ZNF385D: variants seen among roughly 807,000 people sequenced by gnomAD.
The protein encoded by ZNF385D is zinc finger protein 659.
A neutral mutation model predicts 35.8 loss-of-function variants in ZNF385D; 15 were observed. The ratio of observed to expected loss-of-function variants is 0.42; its 90% confidence interval spans 0.28 to 0.64. The LOEUF (loss-of-function observed/expected upper bound fraction) is 0.64. Ranked by LOEUF, ZNF385D falls within the 30% of genes least tolerant of loss-of-function variation. ZNF385D has a pLI of 0.23. For synonymous variants in ZNF385D, 212 were observed against 186.8 expected, an observed-to-expected ratio of 1.13 and a Z score of -1.10; for missense variants, 474 against 494.6, an observed-to-expected ratio of 0.96 and a Z score of 0.39.
intron 3 of ZNF385D, among the ~76,000 whole-genome samples, chr3:21,925,757 C>T (rs139467659): frequency 1.4e-4 from 21 of 152,014 alleles, no homozygotes; most frequent in East Asian, 1.4e-3. Context: ...AATATATAGT[C>T]CAATGAACTT....
At chr3:22,192,132 C>A (rs1559441923) in intron 2 of ZNF385D, among the ~76,000 whole-genome samples, 1 of 152,028 alleles carries the variant, frequency 6.6e-6, no homozygotes, top group Admixed American at 6.6e-5. Flanking sequence ...AAACATGGCC[C>A]CAAGACTAAC....
At chr3:21,731,819 G>T (rs1420763509) in intron 1 of ZNF385D, among the ~76,000 whole-genome samples, 1 of 152,072 alleles carries the variant, frequency 6.6e-6, no homozygotes, top group Non-Finnish European at 1.5e-5. Context: ...AGCCTTTTCA[G>T]ACTGGATTCT....
At chr3:21,599,870 A>ATGT (rs1245666668) in intron 2 of ZNF385D, among the ~76,000 whole-genome samples, 3 of 152,182 alleles carry the variant, frequency 2.0e-5, no homozygotes, top group Non-Finnish European at 2.9e-5. Context: ...GGGTAAAATG[A>ATGT]TGTTGAGACC....
intron 1 of ZNF385D, among the ~76,000 whole-genome samples, chr3:21,667,994 C>T (rs928045857): frequency 1.3e-5 from 2 of 152,138 alleles, no homozygotes. Context: ...CATCTCTTCT[C>T]ACCTGTTGGA....
intron 2 of ZNF385D, among the ~76,000 whole-genome samples, chr3:22,178,785 T>C (rs2125774860): frequency 6.6e-6 from 1 of 152,356 alleles, no homozygotes. Context: ...AGGGATCTAG[T>C]TTCAGCTTTC....
chr3:22,365,197 A>G (rs1056915587), intron 2 of ZNF385D, among the ~76,000 whole-genome samples: 2 of 152,046 alleles, frequency 1.3e-5, no homozygotes, highest in Non-Finnish European at 2.9e-5. Context: ...AACAATATGA[A>G]TGTACACTGA....
At chr3:22,040,776 G>A (rs1258097448) in intron 3 of ZNF385D, among the ~76,000 whole-genome samples, 2 of 152,064 alleles carry the variant, frequency 1.3e-5, no homozygotes, top group African/African-American at 4.8e-5. Flanking sequence ...GATAGAATCA[G>A]AATTTCAAAT....
chr3:21,533,807 C>T (rs1273797717), intron 3 of ZNF385D, among the ~76,000 whole-genome samples: 2 of 152,054 alleles, frequency 1.3e-5, no homozygotes, highest in African/African-American at 2.4e-5. Flanking sequence ...TACTGTAAGG[C>T]AGAGTTAAAT....
intron 3 of ZNF385D, among the ~76,000 whole-genome samples, chr3:21,844,218 G>A (rs1050370332): frequency 4.6e-5 from 7 of 151,936 alleles, no homozygotes; most frequent in African/African-American, 1.7e-4. Flanking sequence ...TAGGAAATTC[G>A]TGCCAAGAGA....
chr3:21,478,947 A>T (rs1367588963), intron 4 of ZNF385D, among the ~76,000 whole-genome samples: 2 of 152,066 alleles, frequency 1.3e-5, no homozygotes, highest in Non-Finnish European at 2.9e-5. Flanking sequence ...AAGTCTTTCA[A>T]AATGTACATA....
chr3:22,036,808 C>A (rs903631661), intron 3 of ZNF385D, among the ~76,000 whole-genome samples: 1 of 149,864 alleles, frequency 6.7e-6, no homozygotes, highest in Non-Finnish European at 1.5e-5. Context: ...GTGTGCTGTA[C>A]CCATTAACTC....
chr3:22,122,868 T>A (rs950800235), intron 3 of ZNF385D, among the ~76,000 whole-genome samples: 11 of 152,130 alleles, frequency 7.2e-5, no homozygotes, highest in African/African-American at 2.4e-4. Flanking sequence ...TTCCTTTGCA[T>A]TGGCAAAAGA....
intron 3 of ZNF385D, among the ~76,000 whole-genome samples, chr3:21,855,254 AT>A: frequency 6.6e-6 from 1 of 152,038 alleles, no homozygotes. Flanking sequence ...TCCCTTAAGA[AT>A]TTTTTAGCTG....
At chr3:22,334,951 A>G (rs115083924) in intron 2 of ZNF385D, among the ~76,000 whole-genome samples, 1 of 152,032 alleles carries the variant, frequency 6.6e-6, no homozygotes, top group East Asian at 1.9e-4. Flanking sequence ...CAATTTTTTC[A>G]TAATGAGAAT....
At chr3:22,306,253 G>C (rs1380161543) in intron 2 of ZNF385D, among the ~76,000 whole-genome samples, 1 of 152,008 alleles carries the variant, frequency 6.6e-6, no homozygotes, top group African/African-American at 2.4e-5. Context: ...CTAATCTTCT[G>C]GTTTTTCTGG....
chr3:21,574,577 T>C (rs888263570), intron 2 of ZNF385D, among the ~76,000 whole-genome samples: 1 of 152,140 alleles, frequency 6.6e-6, no homozygotes, highest in African/African-American at 2.4e-5. Flanking sequence ...GTGGCATGAT[T>C]GTGTGCTTCG....
intron 2 of ZNF385D, among the ~76,000 whole-genome samples, chr3:21,593,154 C>T (rs944203080): frequency 1.3e-5 from 2 of 152,146 alleles, no homozygotes; most frequent in Non-Finnish European, 2.9e-5. Flanking sequence ...CCCAACTAGT[C>T]CTGCTTGAGA....
In ZNF385D at chr3:21,418,533, G is replaced by A. The variant is rs187299961; in HGVS notation, c.*2681C>T. 1.3e-5 allele frequency: 2 copies of A among 152,266 alleles called. No individual in the cohort carries two copies. Among genetic ancestry groups the A allele is most frequent in the East Asian group, 3.9e-4 (2 of 5,182 alleles). 9.4% of individuals were successfully genotyped at this position (152,266 alleles called of 1,614,324 possible). A position where few individuals can be genotyped will look rare whatever the true frequency, so the allele number is the denominator to read the frequency against. ...AAAAATGGTTCCATAGCGAAGTGAG[G>A]CAGAAGGGATCCAGGTATTTCTGAG... On this transcript the variant is annotated 3_prime_UTR_variant, in exon 8 of 8. Transcript: ENST00000281523.
intron 2 of ZNF385D, among the ~76,000 whole-genome samples, chr3:21,641,010 A>G (rs921876196): frequency 6.6e-6 from 1 of 152,076 alleles, no homozygotes; most frequent in Non-Finnish European, 1.5e-5. Flanking sequence ...TAAATGCCCT[A>G]AGTCACCAAA....
Sources: gnomAD v4.1 joint callset for allele counts (sites outside exome capture counted in the v4.1 genomes callset) on GRCh38, gnomAD v4.1.1 for gene constraint, MANE v1.5 for transcripts, NCBI Gene and HGNC (gene_info 2026-07-23, HGNC 2026-07-21) for gene names.